Variants in PSTPIP2 observed in about 807,000 individuals in gnomAD.
PSTPIP2 encodes the protein proline-serine-threonine phosphatase-interacting protein 2.
PSTPIP2 carries 33 observed loss-of-function variants against 63.3 expected under a neutral mutation model. That is an observed-to-expected ratio of 0.52 (90% confidence interval 0.40 to 0.70). The LOEUF (loss-of-function observed/expected upper bound fraction) is 0.70. Among genes scored for constraint, PSTPIP2 ranks in the 30% least tolerant of loss-of-function variants. The pLI, the probability that PSTPIP2 is intolerant of heterozygous loss-of-function variation, is 0.00. For synonymous variants in PSTPIP2, 125 were observed against 132.7 expected, an observed-to-expected ratio of 0.94 and a Z score of 0.40; for missense variants, 312 against 400.7, an observed-to-expected ratio of 0.78 and a Z score of 1.89.
Position 46,006,360 on chromosome 18 carries a change from C to CTTTTTTTTTT in PSTPIP2, c.355-839_355-830dup, listed in dbSNP as rs756384731. Among the ~76,000 whole-genome samples the CTTTTTTTTTT allele has an allele frequency of 6.1e-5, 7 of 115,628 alleles. 3 individuals are homozygous for CTTTTTTTTTT. The highest frequency in any genetic ancestry group is 2.0e-4 in the Admixed American group (2 of 10,182). The allele number at this position is 115,628 out of a possible 152,430, so 75.9% of individuals were successfully genotyped here. A position where few individuals can be genotyped will look rare whatever the true frequency, so the allele number is the denominator to read the frequency against. ...TGAGCCACCATGCCCAGCCCTGGTACTTTTTTTTTTTTTTTTTTTTTTTTT... is the reference window on the plus strand; with the variant it reads ...TGAGCCACCATGCCCAGCCCTGGTACTTTTTTTTTTTTTTTTTTTTTTTTTTTTTTTTTTT... On this transcript the variant is annotated intron_variant, in intron 5 of 14. Transcript: ENST00000409746.
rs560031748 is a variant in PSTPIP2 at position 46,069,113 on chromosome 18, G to A, written c.33+3043C>T. On this transcript the variant is annotated intron_variant, in intron 1 of 14. Coordinates refer to ENST00000409746, the MANE Select transcript of PSTPIP2 (RefSeq NM_024430.4). ...AAGTATCTACAGGAGGTTCAGGGAC[G>A]ATTTGGACCTCACACCCAAGTGAGA... 9.8e-5 allele frequency among the ~76,000 whole-genome samples: 15 copies of A among 152,290 alleles called. No homozygotes were observed. The South Asian group carries it at 3.1e-3, about 32-fold the overall frequency.
intron 9 of PSTPIP2, among the ~76,000 whole-genome samples, chr18:45,994,450 A>T (rs2144062698): frequency 6.6e-6 from 1 of 152,328 alleles, no homozygotes. Context: ...AGTGGTTCTC[A>T]TACTTGAATT....
chr18:46,017,593 T>G (rs1002978075), intron 3 of PSTPIP2, among the ~76,000 whole-genome samples: 2 of 152,116 alleles, frequency 1.3e-5, no homozygotes, highest in Non-Finnish European at 2.9e-5. Context: ...TTTTTTTCTG[T>G]GATGAATTCC....
intron 1 of PSTPIP2, among the ~76,000 whole-genome samples, chr18:46,071,294 T>G (rs1909383130): frequency 6.6e-6 from 1 of 152,128 alleles, no homozygotes; most frequent in South Asian, 2.1e-4. Context: ...CGGTCAACTT[T>G]GAGGTTTGCA....
At chr18:46,065,592 G>A (rs141925441) in intron 1 of PSTPIP2, among the ~76,000 whole-genome samples, 2,712 of 152,128 alleles carry the variant, frequency 0.018, 86 homozygotes, top group African/African-American at 0.058. Flanking sequence ...TCAGCCTCCC[G>A]AGTCGCTGGG....
chr18:45,999,644 C>CAATCAGAGCACTAA, intron 6 of PSTPIP2, 110 bp from the exon 7 acceptor site: 1 of 1,025,888 alleles, frequency 9.7e-7, no homozygotes, highest in Non-Finnish European at 1.5e-6. Flanking sequence ...CTGATTAGTG[C>CAATCAGAGCACTAA]TCTGATTGTC....
chr18:46,009,458 A>G (rs2051771945), intron 5 of PSTPIP2, among the ~76,000 whole-genome samples: 1 of 151,982 alleles, frequency 6.6e-6, no homozygotes, highest in South Asian at 2.1e-4. Context: ...AATTTTATTA[A>G]TAAAATGTGG....
chr18:46,051,916 G>A (rs1908595612), intron 1 of PSTPIP2, among the ~76,000 whole-genome samples: 1 of 152,252 alleles, frequency 6.6e-6, no homozygotes, highest in South Asian at 2.1e-4. Flanking sequence ...TCATATTACC[G>A]GGCAAATCAG....
chr18:46,010,037 C>T (rs2051778782), intron 5 of PSTPIP2, among the ~76,000 whole-genome samples: 1 of 152,160 alleles, frequency 6.6e-6, no homozygotes, highest in African/African-American at 2.4e-5. Context: ...AGCACAAGTA[C>T]AGGTGTAAGA....
At chr18:46,067,694 A>C (rs979303816) in intron 1 of PSTPIP2, among the ~76,000 whole-genome samples, 2 of 152,078 alleles carry the variant, frequency 1.3e-5, no homozygotes, top group Non-Finnish European at 2.9e-5. Flanking sequence ...AAGTCCAAAT[A>C]AGGCAACCAC....
At chr18:46,035,375 G>T (rs1010837961) in intron 2 of PSTPIP2, among the ~76,000 whole-genome samples, 3 of 149,668 alleles carry the variant, frequency 2.0e-5, no homozygotes, top group African/African-American at 4.9e-5. Context: ...AGCTGAGATC[G>T]CACCACTGTA....
rs368466021 is a variant in PSTPIP2, at chr18:46,045,044, T to C, written c.34-4997A>G. On this transcript the variant is annotated intron_variant, in intron 1 of 14. Coordinates refer to ENST00000409746, the MANE Select transcript of PSTPIP2 (RefSeq NM_024430.4). Reference sequence around the variant, plus strand: ...GAGAGGATGTGGAGAAATAGGAACATTTTTACACTGTTGGTGGGACTGTAA... The same window carrying C: ...GAGAGGATGTGGAGAAATAGGAACACTTTTACACTGTTGGTGGGACTGTAA... Among the ~76,000 whole-genome samples, 1,481 of 152,254 alleles carry C rather than the reference T, an allele frequency of 9.7e-3. 22 individuals are homozygous for C. Among genetic ancestry groups the C allele is most frequent in the African/African-American group, 0.031 (1,272 of 41,548 alleles).
intron 1 of PSTPIP2, among the ~76,000 whole-genome samples, chr18:46,041,412 A>AT (rs1251615557): frequency 1.3e-5 from 2 of 151,850 alleles, no homozygotes; most frequent in African/African-American, 2.4e-5. Context: ...ATACCCAGCT[A>AT]TTTTTTGTAT....
intron 6 of PSTPIP2, 73 bp from the exon 7 acceptor site, chr18:45,999,607 C>T: frequency 6.6e-7 from 1 of 1,509,050 alleles, no homozygotes; most frequent in Non-Finnish European, 9.2e-7. Context: ...CCCCTTGGCC[C>T]AGGAAGTCCA....
chr18:46,006,360 CTTTTTTTTTTTTTT>C (rs756384731), intron 5 of PSTPIP2, among the ~76,000 whole-genome samples: 13 of 115,628 alleles, frequency 1.1e-4, no homozygotes, highest in South Asian at 2.5e-4. Flanking sequence ...AGCCCTGGTA[CTTTTTTTTTTTTTT>C]TTTTTTTTTT....
intron 13 of PSTPIP2, among the ~76,000 whole-genome samples, chr18:45,990,279 T>C (rs1050406238): frequency 3.9e-5 from 6 of 152,212 alleles, no homozygotes; most frequent in African/African-American, 1.4e-4. Flanking sequence ...CTGTGACAAG[T>C]AGTATTATAG....
intron 5 of PSTPIP2, among the ~76,000 whole-genome samples, chr18:46,007,593 G>A (rs935367895): frequency 2.4e-4 from 36 of 152,230 alleles, no homozygotes; most frequent in African/African-American, 6.3e-4. Context: ...AGTTAGCAAC[G>A]TTGGTCTATT....
rs1350701718 is a variant in PSTPIP2, at chr18:46,053,959, T to C, written c.34-13912A>G. 2.6e-5 allele frequency among the ~76,000 whole-genome samples: 4 copies of C among 152,206 alleles called. No individual in the cohort carries two copies. In the East Asian group the frequency reaches 7.7e-4, roughly 29 times the overall value. On this transcript the variant is annotated intron_variant, in intron 1 of 14. Transcript: ENST00000409746. ...AATGCATCATTAGGTGATTCTGTCA[T>C]TATTTGAACATCACAGAGTGTAGTT...
chr18:45,986,485 A>G (rs1201185408), intron 14 of PSTPIP2, among the ~76,000 whole-genome samples: 1 of 152,228 alleles, frequency 6.6e-6, no homozygotes, highest in Non-Finnish European at 1.5e-5. Context: ...AAATAAAAAG[A>G]AACACTTAGG....
Sources: gnomAD v4.1 joint callset for allele counts (sites outside exome capture counted in the v4.1 genomes callset) on GRCh38, gnomAD v4.1.1 for gene constraint, MANE v1.5 for transcripts, NCBI Gene and HGNC (gene_info 2026-07-23, HGNC 2026-07-21) for gene names.